DTNB: variants seen among roughly 807,000 people sequenced by gnomAD.
DTNB encodes the protein DTN-B.
DTNB carries 63 observed loss-of-function variants against 90.7 expected under a neutral mutation model. The ratio of observed to expected loss-of-function variants is 0.69; its 90% CI spans 0.57 to 0.86. The LOEUF is 0.86. DTNB is among the 40% of genes least tolerant of loss of function. DTNB has a pLI of 0.00. For missense variants in DTNB, 744 were observed against 807.1 expected (o/e 0.92, Z 0.95); for synonymous variants, 277 against 286.7 (o/e 0.97, Z 0.34).
intron 2 of DTNB, among the ~76,000 whole-genome samples, chr2:25,651,159 T>C (rs1352477356): frequency 5.3e-5 from 8 of 152,190 alleles, no homozygotes; most frequent in Non-Finnish European, 1.2e-4. Flanking sequence ...TACTACTTAC[T>C]TCATACTTAA....
chr2:25,664,455 T>A (rs1038999609), intron 1 of DTNB, among the ~76,000 whole-genome samples: 2 of 152,224 alleles, frequency 1.3e-5, no homozygotes, highest in Non-Finnish European at 2.9e-5. Flanking sequence ...AACTAAAACA[T>A]GTGCTAAAAC....
At chr2:25,635,289 G>A (rs1186627828) in intron 3 of DTNB, among the ~76,000 whole-genome samples, 1 of 152,004 alleles carries the variant, frequency 6.6e-6, no homozygotes, top group Non-Finnish European at 1.5e-5. Flanking sequence ...AAGTTAGCTG[G>A]GTATGGTGGC....
At chr2:25,633,285 T>C in intron 3 of DTNB, among the ~76,000 whole-genome samples, 1 of 141,700 alleles carries the variant, frequency 7.1e-6, no homozygotes, top group Non-Finnish European at 1.6e-5. Flanking sequence ...TGCCTCAGCC[T>C]GCCCAGCGCC....
chr2:25,504,836 C>T (rs1227780850), intron 9 of DTNB, among the ~76,000 whole-genome samples: 2 of 152,114 alleles, frequency 1.3e-5, no homozygotes, highest in African/African-American at 2.4e-5. Context: ...TCACAAAATA[C>T]CTTTTTGCAA....
At chr2:25,615,230 C>T (rs567864598) in intron 4 of DTNB, among the ~76,000 whole-genome samples, 2 of 152,274 alleles carry the variant, frequency 1.3e-5, no homozygotes, top group South Asian at 4.1e-4. Context: ...CCATGCCTTC[C>T]CGAGGTGTGC....
rs759937839 is a variant in DTNB, at chr2:25,388,221, C to T, written c.1716G>A (p.Val572=). Residue 572 remains valine (V), a synonymous_variant, in exon 17 of 21, where the codon GTG becomes GTA. Coordinates refer to ENST00000406818, the MANE Select transcript of DTNB (RefSeq NM_021907.5). ...ACTCACCTTGTGCGAAGGCCTCCTG[C>T]ACGTCTCCCCCGACTCCGCTCAGCG... ...QDSLSGVGGD[V]QEAFAQGTRR... is the part of the protein sequence containing the mutation. 3.3e-5 allele frequency: 53 copies of T among 1,582,884 alleles called. No homozygotes were observed. Among genetic ancestry groups the T allele is most frequent in the Non-Finnish European group, 4.4e-5 (51 of 1,164,930 alleles).
At chr2:25,514,360 G>A (rs901327275) in intron 9 of DTNB, among the ~76,000 whole-genome samples, 11 of 152,158 alleles carry the variant, frequency 7.2e-5, no homozygotes, top group African/African-American at 2.7e-4. Flanking sequence ...GGAGGATAGA[G>A]CAATGGGAAA....
intron 9 of DTNB, among the ~76,000 whole-genome samples, chr2:25,501,208 T>G (rs979305933): frequency 2.6e-5 from 2 of 77,974 alleles, no homozygotes; most frequent in South Asian, 3.4e-4. Context: ...GATCTAGAAG[T>G]TTTTTTTTTT....
chr2:25,653,507 CTTTCTTTCTT>C (rs2081423449), intron 1 of DTNB, among the ~76,000 whole-genome samples: 1 of 109,296 alleles, frequency 9.1e-6, no homozygotes, highest in African/African-American at 4.0e-5. Context: ...TTCTTTCTTT[CTTTCTTTCTT>C]TTTTTTTTTT....
In DTNB at chr2:25,530,068, T is replaced by C. The variant is rs138293489; in HGVS notation, c.1001+1405A>G. Among the ~76,000 whole-genome samples the C allele has an allele frequency of 4.2e-3, 645 of 152,260 alleles. 2 individuals are homozygous for C. The highest frequency in any genetic ancestry group is 6.6e-3 in the Non-Finnish European group (447 of 68,002). On this transcript the variant is annotated intron_variant, in intron 9 of 20. Coordinates refer to ENST00000406818, the MANE Select transcript of DTNB (RefSeq NM_021907.5). ...CAACTTAAAAATGGTGATATAATTA[T>C]GAAAAACAGGGATGGGTTGGTATGT...
intron 8 of DTNB, among the ~76,000 whole-genome samples, chr2:25,531,946 G>A (rs911844540): frequency 6.6e-6 from 1 of 152,244 alleles, no homozygotes; most frequent in Admixed American, 6.5e-5. Flanking sequence ...CCTGATCAGA[G>A]TCGGAACTTT....
At chr2:25,639,120 C>T in intron 2 of DTNB, 26 bp from the exon 3 acceptor site, 2 of 1,538,890 alleles carry the variant, frequency 1.3e-6, no homozygotes, top group Non-Finnish European at 1.8e-6. Flanking sequence ...CAGAAATGCT[C>T]AACTAGATTT....
chr2:25,518,451 C>G (rs557230965), intron 9 of DTNB, among the ~76,000 whole-genome samples: 5 of 152,056 alleles, frequency 3.3e-5, no homozygotes, highest in Non-Finnish European at 5.9e-5. Context: ...CTCACTGCAC[C>G]ATACTCATCA....
intron 10 of DTNB, among the ~76,000 whole-genome samples, chr2:25,463,822 G>A (rs1000716824): frequency 4.6e-5 from 7 of 152,174 alleles, no homozygotes; most frequent in African/African-American, 1.4e-4. Context: ...ATACTTCAGC[G>A]TAACTCACAA....
intron 6 of DTNB, among the ~76,000 whole-genome samples, chr2:25,589,367 CTTTTT>C (rs1169808182): frequency 3.4e-3 from 195 of 57,478 alleles, no homozygotes; most frequent in African/African-American, 0.014. Context: ...TTTTTCTTTT[CTTTTT>C]TTTTTTTTTT....
intron 9 of DTNB, among the ~76,000 whole-genome samples, chr2:25,498,096 T>C (rs2069426019): frequency 6.6e-6 from 1 of 152,068 alleles, no homozygotes; most frequent in South Asian, 2.1e-4. Flanking sequence ...TGTCACCACT[T>C]CTCCCCCTTC....
rs773276883 is a variant in DTNB at position 25,628,295 on chromosome 2, G to A, written c.238C>T (p.Arg80Cys). Reference protein sequence around the residue: ...LDHTTEISVSRLETVISSIYY... With the variant: ...LDHTTEISVSCLETVISSIYY... ...ATGGAGGAGATGACAGTTTCGAGGC[G>A]GGACACACTGATCTCGGTGGTATGG... is the stretch of plus-strand genomic sequence containing the variant. Residue 80 changes from arginine to cysteine, a missense_variant, in exon 4 of 21, where the codon CGC becomes TGC. Transcript: ENST00000406818. The A allele has an allele frequency of 5.1e-5, 83 of 1,613,286 alleles. No homozygotes were observed. The East Asian group carries it at 1.4e-3, about 27-fold the overall frequency.
At chr2:25,554,153 A>G (rs2151132854) in intron 8 of DTNB, among the ~76,000 whole-genome samples, 1 of 152,338 alleles carries the variant, frequency 6.6e-6, no homozygotes, top group South Asian at 2.1e-4. Flanking sequence ...AGGGAAAAAC[A>G]AAGCTTTTGA....
Position 25,418,557 on chromosome 2 carries a change from G to C in DTNB, c.1575+958C>G, listed in dbSNP as rs550898018. On this transcript the variant is annotated intron_variant, in intron 16 of 20. Coordinates refer to ENST00000406818, the MANE Select transcript of DTNB (RefSeq NM_021907.5). ...CTACTAAAAATACAAAAATTAGCTGGGTGTGGTGGTGCGTGACTGTAGTCC... is the reference window on the plus strand; with the variant it reads ...CTACTAAAAATACAAAAATTAGCTGCGTGTGGTGGTGCGTGACTGTAGTCC... Among the ~76,000 whole-genome samples, 9 of 152,142 alleles carry C rather than the reference G, an allele frequency of 5.9e-5. No individual in the cohort carries two copies. In the East Asian group the frequency reaches 1.7e-3, roughly 29 times the overall value.
Sources: allele counts gnomAD v4.1 joint callset (sites outside exome capture counted in the v4.1 genomes callset), GRCh38; gene constraint gnomAD v4.1.1; transcripts MANE v1.5; gene names NCBI Gene and HGNC (gene_info 2026-07-23, HGNC 2026-07-21).